Variants in AEBP2 observed in about 807,000 individuals in gnomAD.
The protein encoded by AEBP2 is AE binding protein 2.
AEBP2 carries 10 observed loss-of-function variants against 50.8 expected under a neutral mutation model. The ratio of observed to expected loss-of-function variants is 0.20; its 90% confidence interval spans 0.12 to 0.33. AEBP2 has a LOEUF of 0.33. Ranked by LOEUF, AEBP2 falls within the 10% of genes least tolerant of loss-of-function variation. The pLI is 1.00. For missense variants in AEBP2, 570 were observed against 688.0 expected, an observed-to-expected ratio of 0.83 and a Z score of 1.92; for synonymous variants, 296 against 261.3, an observed-to-expected ratio of 1.13 and a Z score of -1.28.
intron 1 of AEBP2, among the ~76,000 whole-genome samples, chr12:19,408,954 C>CA (rs2095737803): frequency 6.6e-6 from 1 of 151,318 alleles, no homozygotes; most frequent in Non-Finnish European, 1.5e-5. Context: ...AGCAAAACAG[C>CA]AAAAAAAATT....
chr12:19,503,412 T>A (rs779402637), intron 5 of AEBP2, among the ~76,000 whole-genome samples: 1 of 151,992 alleles, frequency 6.6e-6, no homozygotes, highest in African/African-American at 2.4e-5. Flanking sequence ...TTGAGTGTTA[T>A]TGGGGTATAG....
intron 4 of AEBP2, among the ~76,000 whole-genome samples, chr12:19,499,576 T>A (rs1015431545): frequency 6.8e-6 from 1 of 146,142 alleles, no homozygotes; most frequent in East Asian, 2.0e-4. Context: ...ATGGCGCCAC[T>A]GCACTTCAGC....
In AEBP2 at chr12:19,518,219, T is replaced by A; in HGVS notation, c.*102T>A. The A allele has an allele frequency of 2.2e-5, 2 of 93,010 alleles. No homozygotes were observed. Among genetic ancestry groups the A allele is most frequent in the South Asian group, 3.4e-4 (1 of 2,950 alleles). 5.8% of individuals were successfully genotyped at this position (93,010 alleles called of 1,614,324 possible). On this transcript the variant is annotated 3_prime_UTR_variant, in exon 8 of 8. Coordinates refer to ENST00000266508, the MANE Select transcript of AEBP2 (RefSeq NM_153207.5). ...GTTGCACATTAGAGTCAACCCCTTC[T>A]TTTTTTTTTTTTTTTTTTTAAATCC...
chr12:19,450,726 C>T (rs988264700), intron 1 of AEBP2, among the ~76,000 whole-genome samples: 2 of 150,162 alleles, frequency 1.3e-5, no homozygotes, highest in Non-Finnish European at 3.0e-5. Context: ...CTTGTAGTCC[C>T]AGCTACTCAG....
At chr12:19,453,911 C>T (rs541160801) in intron 1 of AEBP2, among the ~76,000 whole-genome samples, 3 of 152,036 alleles carry the variant, frequency 2.0e-5, no homozygotes, top group Non-Finnish European at 2.9e-5. Flanking sequence ...ATTCTCCCCC[C>T]CTCGGCCTCC....
chr12:19,450,233 A>G (rs1314747334), intron 1 of AEBP2, among the ~76,000 whole-genome samples: 1 of 151,844 alleles, frequency 6.6e-6, no homozygotes, highest in Non-Finnish European at 1.5e-5. Flanking sequence ...CTGGGAAGGA[A>G]TGTTTGGAGT....
chr12:19,413,950 G>C (rs764872711), intron 1 of AEBP2, among the ~76,000 whole-genome samples: 2 of 151,332 alleles, frequency 1.3e-5, no homozygotes, highest in Non-Finnish European at 2.9e-5. Context: ...CTGGAGTGCA[G>C]CGCCGCCATC....
intron 1 of AEBP2, among the ~76,000 whole-genome samples, chr12:19,450,034 C>T (rs982415631): frequency 8.5e-5 from 13 of 152,126 alleles, no homozygotes; most frequent in African/African-American, 2.9e-4. Context: ...AAAATAGGCA[C>T]TTGTCTTTAC....
intron 1 of AEBP2, among the ~76,000 whole-genome samples, chr12:19,429,439 C>T (rs1592709344): frequency 1.3e-5 from 2 of 152,284 alleles, no homozygotes; most frequent in South Asian, 2.1e-4. Context: ...AATAAACACA[C>T]GTGTGCATGT....
intron 1 of AEBP2, among the ~76,000 whole-genome samples, chr12:19,443,716 C>A (rs990757861): frequency 4.6e-5 from 7 of 151,800 alleles, no homozygotes; most frequent in African/African-American, 1.5e-4. Context: ...GAGCAAGACT[C>A]CATCTCAAAA....
At chr12:19,448,257 C>A (rs1467231286) in intron 1 of AEBP2, among the ~76,000 whole-genome samples, 5 of 152,044 alleles carry the variant, frequency 3.3e-5, no homozygotes, top group African/African-American at 1.2e-4. Context: ...TTGAAATATC[C>A]ATTTGTGTTT....
intron 1 of AEBP2, among the ~76,000 whole-genome samples, chr12:19,423,064 CAAAAAAAA>C (rs751550689): frequency 0.01 from 358 of 34,984 alleles, 1 homozygote; most frequent in African/African-American, 0.052. Flanking sequence ...GACTCTGTCT[CAAAAAAAA>C]AAAAAAAAAA....
rs548190328 is a variant in AEBP2 at position 19,492,011 on chromosome 12, C to T, written c.988-1789C>T. 9.2e-5 allele frequency among the ~76,000 whole-genome samples: 14 copies of T among 152,180 alleles called. No homozygotes were observed. In the South Asian group the frequency reaches 2.9e-3, roughly 32 times the overall value. ...TAGCAGCTTACAATTGGTAGAGGTA[C>T]CTCGATTGAAGGAAAGAGCCTGAGG... is the stretch of plus-strand genomic sequence containing the variant. On this transcript the variant is annotated intron_variant, in intron 3 of 7. Transcript: ENST00000266508.
chr12:19,484,405 G>T (rs889088818), intron 3 of AEBP2, among the ~76,000 whole-genome samples: 7 of 151,112 alleles, frequency 4.6e-5, no homozygotes, highest in African/African-American at 4.9e-5. Flanking sequence ...GAGTCTTGCT[G>T]TGCTCTGTTG....
Position 19,411,303 on chromosome 12 carries a change from C to T in AEBP2, c.-17+7087C>T, listed in dbSNP as rs556812001. Among the ~76,000 whole-genome samples the T allele has an allele frequency of 6.6e-5, 10 of 152,276 alleles. No homozygotes were observed. The East Asian group carries it at 1.9e-3, about 29-fold the overall frequency. On this transcript the variant is annotated intron_variant, in intron 1 of 3. Transcript: ENST00000538425. The stretch of plus-strand genomic sequence containing the variant: ...CAACTATCCAGCTGATTTACTAATT[C>T]GCAATATTAAAGGAAGCTTGGTCCA...
chr12:19,414,181 T>C (rs957704705), intron 1 of AEBP2, among the ~76,000 whole-genome samples: 2 of 152,082 alleles, frequency 1.3e-5, no homozygotes, highest in African/African-American at 2.4e-5. Flanking sequence ...TGTGAGCCAT[T>C]GCGCCCGGCC....
chr12:19,440,305 C>G lies in AEBP2; in HGVS notation c.606C>G (p.Gly202=). The change falls in exon 1 of 8, where the codon GGC becomes GGG. Residue 202 remains glycine, a synonymous_variant. Coordinates refer to ENST00000266508, the MANE Select transcript of AEBP2 (RefSeq NM_153207.5). ...GGGGSSATSG[G]RRGSLEMSSD... ...GCGGAAGCAGCGCGACCTCCGGGGG[C>G]CGGCGGGGCAGCTTGGAGATGTCGT... is the stretch of plus-strand genomic sequence containing the variant. The G allele has an allele frequency of 6.8e-7, 1 of 1,464,640 alleles. No homozygotes were observed. The highest frequency in any genetic ancestry group is 9.0e-7 in the Non-Finnish European group (1 of 1,116,498). 90.7% of individuals were successfully genotyped at this position (1,464,640 alleles called of 1,614,324 possible).
intron 1 of AEBP2, chr12:19,456,939 C>T (rs1948279965): frequency 2.7e-6 from 4 of 1,486,432 alleles, no homozygotes; most frequent in Middle Eastern, 1.8e-4. Flanking sequence ...GGATGTAGTC[C>T]AGAGCCTCAA....
At chr12:19,449,798 G>A (rs1057017260) in intron 1 of AEBP2, among the ~76,000 whole-genome samples, 1 of 152,126 alleles carries the variant, frequency 6.6e-6, no homozygotes, top group Non-Finnish European at 1.5e-5. Flanking sequence ...GTGTGACAAA[G>A]CCATATATTT....
Sources: allele counts gnomAD v4.1 joint callset (sites outside exome capture counted in the v4.1 genomes callset), GRCh38; gene constraint gnomAD v4.1.1; transcripts MANE v1.5; gene names NCBI Gene and HGNC (gene_info 2026-07-23, HGNC 2026-07-21).